DACH1: variants seen among roughly 807,000 people sequenced by gnomAD.
The protein encoded by DACH1 is dachshund homolog 1.
In DACH1, 12 loss-of-function variants were observed where a neutral mutation model predicts 54.2. The ratio of observed to expected loss-of-function variants is 0.22; its 90% CI spans 0.14 to 0.36. The LOEUF (loss-of-function observed/expected upper bound fraction) is 0.36. Among genes scored for constraint, DACH1 ranks in the 10% least tolerant of loss-of-function variants. The pLI is 1.00. For missense variants in DACH1, 805 were observed against 929.8 expected (o/e 0.87, Z 1.75); for synonymous variants, 386 against 366.2 (o/e 1.05, Z -0.62).
intron 4 of DACH1, among the ~76,000 whole-genome samples, chr13:71,569,190 G>A (rs1234772818): frequency 1.3e-5 from 2 of 151,196 alleles, no homozygotes; most frequent in Non-Finnish European, 2.9e-5. Context: ...TTTTCTACTT[G>A]GTTCTATTGT....
intron 1 of DACH1, among the ~76,000 whole-genome samples, chr13:71,686,171 A>G (rs1216163826): frequency 6.6e-6 from 1 of 152,150 alleles, no homozygotes; most frequent in Admixed American, 6.5e-5. Flanking sequence ...ATCACAATTT[A>G]TGATTTTGGT....
chr13:71,712,374 T>C (rs886550508), intron 1 of DACH1, among the ~76,000 whole-genome samples: 6 of 152,094 alleles, frequency 3.9e-5, no homozygotes, highest in Non-Finnish European at 5.9e-5. Context: ...ATAGATAACA[T>C]ACATATTATG....
intron 6 of DACH1, among the ~76,000 whole-genome samples, chr13:71,521,875 A>T (rs1348531477): frequency 6.6e-6 from 1 of 152,116 alleles, no homozygotes; most frequent in Non-Finnish European, 1.5e-5. Flanking sequence ...TAATAATGAA[A>T]ACTATTCAAC....
intron 1 of DACH1, among the ~76,000 whole-genome samples, chr13:71,777,719 T>C (rs1297343143): frequency 1.3e-5 from 2 of 152,256 alleles, no homozygotes; most frequent in East Asian, 3.9e-4. Flanking sequence ...GGACAACAAA[T>C]AGAAGACTTG....
chr13:71,517,241 G>A (rs1397778803), intron 6 of DACH1, among the ~76,000 whole-genome samples: 1 of 151,720 alleles, frequency 6.6e-6, no homozygotes, highest in Non-Finnish European at 1.5e-5. Context: ...GTTATCAAAT[G>A]GTTGTAAAAA....
intron 6 of DACH1, among the ~76,000 whole-genome samples, chr13:71,528,573 G>A (rs530592065): frequency 6.6e-6 from 1 of 151,722 alleles, no homozygotes; most frequent in Admixed American, 6.6e-5. Context: ...GACTACAGGC[G>A]CCTGCCACCA....
rs775029733 is a variant in DACH1, at chr13:71,730,798, T to A, written c.849-48888A>T. Among the ~76,000 whole-genome samples, 54 of 152,210 alleles carry A rather than the reference T, an allele frequency of 3.5e-4. No individual in the cohort carries two copies. The Middle Eastern group carries it at 0.014, about 38-fold the overall frequency. Reference sequence around the variant, plus strand: ...ATTGTCTTATCATTATTTTTATTAGTTATAATTGTCATGTAAAATAGCTAC... The same window carrying A: ...ATTGTCTTATCATTATTTTTATTAGATATAATTGTCATGTAAAATAGCTAC... On this transcript the variant is annotated intron_variant, in intron 1 of 10. Transcript: ENST00000613252.
At chr13:71,688,709 A>G (rs998274815) in intron 1 of DACH1, among the ~76,000 whole-genome samples, 2 of 152,218 alleles carry the variant, frequency 1.3e-5, no homozygotes, top group African/African-American at 4.8e-5. Flanking sequence ...GAACACTTTC[A>G]GCTTATTGGC....
intron 6 of DACH1, among the ~76,000 whole-genome samples, chr13:71,512,200 G>T (rs1459818099): frequency 6.6e-6 from 1 of 151,504 alleles, no homozygotes; most frequent in Non-Finnish European, 1.5e-5. Flanking sequence ...CTATTTCTAG[G>T]CCTTCATTTG....
At chr13:71,687,461 C>T (rs563266897) in intron 1 of DACH1, among the ~76,000 whole-genome samples, 28 of 151,662 alleles carry the variant, frequency 1.8e-4, no homozygotes, top group Non-Finnish European at 3.4e-4. Context: ...GTAAAGGAAG[C>T]AATAAATACA....
Position 71,573,492 on chromosome 13 carries a change from C to T in DACH1, c.1127-480G>A, listed in dbSNP as rs755369884. 1.2e-4 allele frequency: 82 copies of T among 711,518 alleles called. 1 individual carries two copies. Among genetic ancestry groups the T allele is most frequent in the Admixed American group, 2.0e-4 (10 of 49,182 alleles). 44.1% of individuals were successfully genotyped at this position (711,518 alleles called of 1,614,324 possible). ...TGGAAGGCTACGTGCTCCAGGCATG[C>T]GGGGGTGGGTTATAGAGGCCTGAGG... On this transcript the variant is annotated intron_variant, in intron 3 of 10. Coordinates refer to ENST00000613252, the MANE Select transcript of DACH1 (RefSeq NM_080759.6).
At chr13:71,521,176 T>C (rs1881572202) in intron 6 of DACH1, among the ~76,000 whole-genome samples, 1 of 152,018 alleles carries the variant, frequency 6.6e-6, no homozygotes, top group Non-Finnish European at 1.5e-5. Flanking sequence ...AATGCAGCTG[T>C]CTTGTAAGTT....
At chr13:71,704,737 C>T (rs1188026651) in intron 1 of DACH1, 1 of 163,138 alleles carries the variant, frequency 6.1e-6, no homozygotes, top group African/African-American at 2.4e-5. Flanking sequence ...GGCGTCCCCT[C>T]CCCCCAAGAA....
In DACH1 at chr13:71,438,939, T is replaced by A. The variant is rs961424074; in HGVS notation, c.*1716A>T. ...AATAGGAACTGTACATATAACCTTT[T>A]TATGGTATTAAAAAGATGAACTTAG... On this transcript the variant is annotated 3_prime_UTR_variant, in exon 11 of 11. Transcript: ENST00000613252. 6.6e-6 allele frequency: 1 copy of A among 152,454 alleles called. No individual in the cohort carries two copies. Among genetic ancestry groups the A allele is most frequent in the African/African-American group, 2.4e-5 (1 of 41,450 alleles). 9.4% of individuals were successfully genotyped at this position (152,454 alleles called of 1,614,324 possible).
intron 1 of DACH1, among the ~76,000 whole-genome samples, chr13:71,840,163 G>T (rs756661929): frequency 1.3e-5 from 2 of 152,014 alleles, no homozygotes; most frequent in Non-Finnish European, 2.9e-5. Context: ...GGCTAGGCTG[G>T]TCTCAAACTC....
intron 1 of DACH1, among the ~76,000 whole-genome samples, chr13:71,795,819 T>A (rs1236385379): frequency 1.3e-5 from 2 of 152,188 alleles, no homozygotes; most frequent in Non-Finnish European, 2.9e-5. Flanking sequence ...GCAATATTGT[T>A]GGAAGGAGCA....
At chr13:71,499,184 T>A (rs1224662333) in intron 6 of DACH1, among the ~76,000 whole-genome samples, 1 of 80,906 alleles carries the variant, frequency 1.2e-5, no homozygotes, top group Non-Finnish European at 2.7e-5. Context: ...ATATTTTGGG[T>A]TGCATTCACA....
chr13:71,521,304 A>G (rs1008107161), intron 6 of DACH1, among the ~76,000 whole-genome samples: 1 of 151,968 alleles, frequency 6.6e-6, no homozygotes, highest in African/African-American at 2.4e-5. Context: ...GAGGGCAGGG[A>G]CCATATTTTT....
intron 3 of DACH1, among the ~76,000 whole-genome samples, chr13:71,616,285 G>A (rs935199781): frequency 6.6e-6 from 1 of 152,140 alleles, no homozygotes; most frequent in African/African-American, 2.4e-5. Context: ...AACAGAAAAG[G>A]AAATGATGCA....
Sources: allele counts gnomAD v4.1 joint callset (sites outside exome capture counted in the v4.1 genomes callset), GRCh38; gene constraint gnomAD v4.1.1; transcripts MANE v1.5; gene names NCBI Gene and HGNC (gene_info 2026-07-23, HGNC 2026-07-21).